CNTN5: variants seen among roughly 807,000 people sequenced by gnomAD.
CNTN5 encodes contactin-5.
In CNTN5, 77 loss-of-function variants were observed where a neutral mutation model predicts 129.1. The ratio of observed to expected loss-of-function variants is 0.60; its 90% CI spans 0.50 to 0.72. The LOEUF (loss-of-function observed/expected upper bound fraction) is 0.72. CNTN5 is among the 30% of genes least tolerant of loss of function. The probability of loss-of-function intolerance (pLI) is 0.00; values close to 1 mark genes in which losing one functional copy is unlikely to be tolerated. For missense variants in CNTN5, 1,478 were observed against 1,328.8 expected (o/e 1.11, Z -1.75); for synonymous variants, 509 against 465.6 (o/e 1.09, Z -1.20).
chr11:100,104,560 T>C (rs1410011035), intron 13 of CNTN5, among the ~76,000 whole-genome samples: 3 of 152,132 alleles, frequency 2.0e-5, no homozygotes, highest in African/African-American at 7.2e-5. Context: ...CCTGACCTAA[T>C]TGAAAAACAT....
chr11:100,048,584 G>C lies in CNTN5; in HGVS notation c.981-12628G>C, dbSNP rs1942805869. Among the ~76,000 whole-genome samples, 3 of 151,940 alleles carry C rather than the reference G, an allele frequency of 2.0e-5. No individual in the cohort carries two copies. In the South Asian group the frequency reaches 6.2e-4, roughly 32 times the overall value. On this transcript the variant is annotated intron_variant, in intron 9 of 24. Coordinates refer to ENST00000524871, the MANE Select transcript of CNTN5 (RefSeq NM_014361.4). ...ATAAAAAAAGTGAAAAAATGTACTA[G>C]ATTGGATTTACAGTGGATTAGACAC...
chr11:99,228,472 G>T (rs1860811185), intron 1 of CNTN5, among the ~76,000 whole-genome samples: 1 of 152,032 alleles, frequency 6.6e-6, no homozygotes, highest in African/African-American at 2.4e-5. Flanking sequence ...AAAATAGCTG[G>T]AAGCAAGGAC....
chr11:99,212,824 A>G (rs1209621334), intron 1 of CNTN5, among the ~76,000 whole-genome samples: 2 of 152,150 alleles, frequency 1.3e-5, no homozygotes, highest in African/African-American at 2.4e-5. Flanking sequence ...AAATATTAAC[A>G]ATATTCAAAA....
chr11:100,341,131 C>G lies in CNTN5; in HGVS notation c.2956C>G (p.Gln986Glu). 6.2e-7 allele frequency: 1 copy of G among 1,613,882 alleles called. No individual in the cohort carries two copies. Among genetic ancestry groups the G allele is most frequent in the Non-Finnish European group, 8.5e-7 (1 of 1,179,784 alleles). ...QAPSNLRWEQ[Q>E]GSQVSLGWEP... ...ACCTAGCAACCTCAGGTGGGAGCAG[C>G]AAGGCTCTCAGGTTTCTCTGGGCTG... The change falls in exon 23 of 25, where the codon CAA becomes GAA. Residue 986 changes from glutamine to glutamate, a missense_variant. Coordinates refer to ENST00000524871, the MANE Select transcript of CNTN5 (RefSeq NM_014361.4).
chr11:99,906,252 G>A (rs1404888748), intron 6 of CNTN5, among the ~76,000 whole-genome samples: 2 of 152,100 alleles, frequency 1.3e-5, no homozygotes, highest in African/African-American at 4.8e-5. Flanking sequence ...TGCCCATTCA[G>A]TATGATACTG....
At chr11:99,467,326 C>T (rs1048010345) in intron 2 of CNTN5, among the ~76,000 whole-genome samples, 4 of 152,002 alleles carry the variant, frequency 2.6e-5, no homozygotes, top group African/African-American at 9.6e-5. Flanking sequence ...TTATAATTTT[C>T]CCCTTATATT....
Position 99,848,627 on chromosome 11 carries a change from A to G in CNTN5, c.577+3365A>G, listed in dbSNP as rs74564640. Reference sequence around the variant, plus strand: ...TTGCAAAACTTTTCACTGATACAGTACTTATAATTCCACTTTGTAGCTATT... The same window carrying G: ...TTGCAAAACTTTTCACTGATACAGTGCTTATAATTCCACTTTGTAGCTATT... On this transcript the variant is annotated intron_variant, in intron 6 of 24. Coordinates refer to ENST00000524871, the MANE Select transcript of CNTN5 (RefSeq NM_014361.4). Among the ~76,000 whole-genome samples the G allele has an allele frequency of 8.5e-3, 1,290 of 152,298 alleles. 15 individuals carry two copies. The highest frequency in any genetic ancestry group is 0.029 in the African/African-American group (1,216 of 41,570).
chr11:99,159,782 A>G (rs957439869), intron 1 of CNTN5, among the ~76,000 whole-genome samples: 1 of 152,216 alleles, frequency 6.6e-6, no homozygotes, highest in African/African-American at 2.4e-5. Context: ...TATCACATTA[A>G]TAACTAGAGG....
intron 13 of CNTN5, among the ~76,000 whole-genome samples, chr11:100,176,439 A>G (rs1947965408): frequency 6.6e-6 from 1 of 151,976 alleles, no homozygotes; most frequent in South Asian, 2.1e-4. Context: ...AAGGTCTCAA[A>G]TTTTTATGTT....
At chr11:99,447,968 A>T (rs987542099) in intron 2 of CNTN5, among the ~76,000 whole-genome samples, 23 of 152,140 alleles carry the variant, frequency 1.5e-4, no homozygotes, top group African/African-American at 5.5e-4. Flanking sequence ...TGGAAATTGC[A>T]CCTCATAAAT....
intron 3 of CNTN5, among the ~76,000 whole-genome samples, chr11:99,748,539 G>T (rs1055748284): frequency 6.6e-6 from 1 of 152,104 alleles, no homozygotes; most frequent in Non-Finnish European, 1.5e-5. Flanking sequence ...AACTAGAAAA[G>T]CCAATGTATA....
chr11:100,190,727 CTGT>C (rs72235164), intron 13 of CNTN5, among the ~76,000 whole-genome samples: 46,229 of 132,262 alleles, frequency 0.35, 7,386 homozygotes, highest in African/African-American at 0.49. Flanking sequence ...TGTTTTTATG[CTGT>C]TTTTTTTTTT....
rs530719675 is a variant in CNTN5 at position 99,092,013 on chromosome 11, GA to G, written c.-210+70745del. 1.7e-3 allele frequency among the ~76,000 whole-genome samples: 260 copies of G among 152,156 alleles called. 4 individuals are homozygous for G. Among genetic ancestry groups the G allele is most frequent in the Admixed American group, 0.015 (233 of 15,278 alleles). On this transcript the variant is annotated intron_variant, in intron 1 of 24. Coordinates refer to ENST00000524871, the MANE Select transcript of CNTN5 (RefSeq NM_014361.4). ...AGATTAATAAAGTATGATATCCCTG[GA>G]ATATATTAAGTGGTGTATTAATAAT...
At position 99,321,449 on chromosome 11, in the gene CNTN5, C is replaced by T. The variant is rs938061050; in HGVS notation, c.-209-3897C>T. Among the ~76,000 whole-genome samples, 4 of 151,108 alleles carry T rather than the reference C, an allele frequency of 2.6e-5. No homozygotes were observed. In the East Asian group the frequency reaches 7.7e-4, roughly 29 times the overall value. ...TATTTAAATACTGTTAAAAATAATC[C>T]CATTCATTAGGCTTCTGGGTAATGT... On this transcript the variant is annotated intron_variant, in intron 1 of 24. Coordinates refer to ENST00000524871, the MANE Select transcript of CNTN5 (RefSeq NM_014361.4).
chr11:99,310,042 C>T (rs1865043863), intron 1 of CNTN5, among the ~76,000 whole-genome samples: 1 of 151,974 alleles, frequency 6.6e-6, no homozygotes, highest in Admixed American at 6.6e-5. Flanking sequence ...TATGAGGACA[C>T]TTTTTACAGT....
chr11:99,356,552 G>A (rs4754604), intron 2 of CNTN5, among the ~76,000 whole-genome samples: 94,803 of 152,036 alleles, frequency 0.62, 30,957 homozygotes, highest in African/African-American at 0.83. Flanking sequence ...GAACACCTAC[G>A]TTGTGCAGTG....
chr11:99,551,631 G>C (rs1948485650), intron 2 of CNTN5, among the ~76,000 whole-genome samples: 2 of 152,082 alleles, frequency 1.3e-5, no homozygotes, highest in South Asian at 4.1e-4. Context: ...GAACACTGTA[G>C]AGTTTATTTA....
At chr11:99,893,225 A>G (rs997324478) in intron 6 of CNTN5, among the ~76,000 whole-genome samples, 2 of 152,158 alleles carry the variant, frequency 1.3e-5, no homozygotes, top group African/African-American at 2.4e-5. Flanking sequence ...TGAACAAAGA[A>G]TATCAGTGTC....
At chr11:99,915,138 T>C (rs917091749) in intron 6 of CNTN5, among the ~76,000 whole-genome samples, 5 of 152,076 alleles carry the variant, frequency 3.3e-5, no homozygotes, top group African/African-American at 7.2e-5. Context: ...AGACCCAGAA[T>C]TCTGGGACAG....
Sources: gnomAD v4.1 joint callset for allele counts (sites outside exome capture counted in the v4.1 genomes callset) on GRCh38, gnomAD v4.1.1 for gene constraint, MANE v1.5 for transcripts, NCBI Gene and HGNC (gene_info 2026-07-23, HGNC 2026-07-21) for gene names.